The following DCC variants were observed in gnomAD, a reference collection of about 807,000 sequenced individuals.
DCC encodes DCC netrin 1 receptor.
In DCC, 58 loss-of-function variants were observed where a neutral mutation model predicts 172.5. The ratio of observed to expected loss-of-function variants is 0.34; its 90% CI spans 0.27 to 0.42. The LOEUF (loss-of-function observed/expected upper bound fraction) is 0.42. DCC is among the 10% of genes least tolerant of loss of function. DCC has a pLI of 1.00. For synonymous variants in DCC, 709 were observed against 644.5 expected (o/e 1.10, Z -1.52); for missense variants, 1,740 against 1,791.0 (o/e 0.97, Z 0.51).
At chr18:53,304,127 T>C (rs2057172295) in intron 12 of DCC, among the ~76,000 whole-genome samples, 1 of 152,142 alleles carries the variant, frequency 6.6e-6, no homozygotes, top group Non-Finnish European at 1.5e-5. Flanking sequence ...CTCATTTGCT[T>C]GTGGAGCCTG....
intron 1 of DCC, among the ~76,000 whole-genome samples, chr18:52,727,706 A>G (rs1377291373): frequency 6.6e-6 from 1 of 152,194 alleles, no homozygotes; most frequent in Non-Finnish European, 1.5e-5. Flanking sequence ...GTGACTTTTC[A>G]TGAAGTGTAA....
In DCC at chr18:53,159,076, G is replaced by A. The variant is rs150756954; in HGVS notation, c.1418+1564G>A. Among the ~76,000 whole-genome samples, 228 of 151,302 alleles carry A rather than the reference G, an allele frequency of 1.5e-3. 1 individual carries two copies. The highest frequency in any genetic ancestry group is 5.0e-3 in the African/African-American group (207 of 41,210). On this transcript the variant is annotated intron_variant, in intron 8 of 28. Coordinates refer to ENST00000442544, the MANE Select transcript of DCC (RefSeq NM_005215.4). ...TATTCATTACTGTGAAGAAACAGGC[G>A]TTCGTTTTAGTGTTATCTCTGTAAC...
At chr18:52,671,030 C>T (rs2035542575) in intron 1 of DCC, among the ~76,000 whole-genome samples, 1 of 152,072 alleles carries the variant, frequency 6.6e-6, no homozygotes, top group Non-Finnish European at 1.5e-5. Context: ...GTTTTTTCCC[C>T]TCATGTTGTC....
At chr18:52,598,843 C>T (rs569991920) in intron 1 of DCC, among the ~76,000 whole-genome samples, 4 of 152,218 alleles carry the variant, frequency 2.6e-5, no homozygotes, top group South Asian at 2.1e-4. Flanking sequence ...TCTGGGAGGG[C>T]TGTTCTCTGC....
intron 21 of DCC, among the ~76,000 whole-genome samples, chr18:53,417,836 A>G (rs9955552): frequency 0.068 from 10,406 of 152,184 alleles, 1,225 homozygotes; most frequent in African/African-American, 0.24. Context: ...TTTTTAAGGT[A>G]ACTGTTTTGC....
chr18:53,512,783 C>T (rs1005568340), intron 27 of DCC, among the ~76,000 whole-genome samples: 25 of 149,824 alleles, frequency 1.7e-4, no homozygotes, highest in Non-Finnish European at 2.9e-4. Context: ...AAGAAATTAG[C>T]AAAGCCTCCA....
At chr18:52,812,402 C>T (rs1286633188) in intron 2 of DCC, among the ~76,000 whole-genome samples, 2 of 152,120 alleles carry the variant, frequency 1.3e-5, no homozygotes, top group East Asian at 3.9e-4. Context: ...GGAGGGAAGA[C>T]AAGTATCTTC....
At chr18:52,973,294 T>G (rs62097898) in intron 5 of DCC, among the ~76,000 whole-genome samples, 1 of 152,148 alleles carries the variant, frequency 6.6e-6, no homozygotes, top group African/African-American at 2.4e-5. Context: ...TTTATACAAA[T>G]GATAAAGTTT....
intron 22 of DCC, among the ~76,000 whole-genome samples, chr18:53,446,108 AAAAAAAC>A (rs1368064042): frequency 6.2e-5 from 9 of 144,312 alleles, no homozygotes; most frequent in African/African-American, 1.5e-4. Flanking sequence ...CAAAAAAAAA[AAAAAAAC>A]AAAAAAAAAC....
At chr18:52,496,256 A>G (rs1048579618) in intron 1 of DCC, among the ~76,000 whole-genome samples, 6 of 152,182 alleles carry the variant, frequency 3.9e-5, no homozygotes, top group Non-Finnish European at 8.8e-5. Context: ...TAATATTCAT[A>G]TTCATATTTT....
intron 9 of DCC, among the ~76,000 whole-genome samples, chr18:53,186,211 A>G (rs985109057): frequency 6.6e-6 from 1 of 152,216 alleles, no homozygotes; most frequent in South Asian, 2.1e-4. Context: ...CTAACTTCTC[A>G]TAGATAGACA....
At chr18:53,374,030 G>A (rs1242562332) in intron 15 of DCC, among the ~76,000 whole-genome samples, 2 of 152,148 alleles carry the variant, frequency 1.3e-5, no homozygotes, top group Non-Finnish European at 2.9e-5. Flanking sequence ...TCTGCCCTTG[G>A]CATTGTCCAC....
chr18:52,397,162 T>C (rs529073001), intron 1 of DCC, among the ~76,000 whole-genome samples: 1 of 152,104 alleles, frequency 6.6e-6, no homozygotes, highest in East Asian at 1.9e-4. Flanking sequence ...TGTGCTTGCA[T>C]CAAAATTACG....
intron 5 of DCC, among the ~76,000 whole-genome samples, chr18:53,037,047 G>T (rs1423599573): frequency 6.6e-6 from 1 of 151,890 alleles, no homozygotes; most frequent in African/African-American, 2.4e-5. Context: ...TCAGTTTCAG[G>T]CAAGAGAGCT....
intron 7 of DCC, among the ~76,000 whole-genome samples, chr18:53,139,963 C>T (rs1023264586): frequency 3.6e-4 from 55 of 152,144 alleles, no homozygotes; most frequent in Non-Finnish European, 1.3e-4. Flanking sequence ...ATTTATCTTG[C>T]TTACTGAATC....
intron 1 of DCC, among the ~76,000 whole-genome samples, chr18:52,489,625 T>C (rs2144600977): frequency 6.6e-6 from 1 of 152,232 alleles, no homozygotes; most frequent in South Asian, 2.1e-4. Flanking sequence ...CTTTGCTTTG[T>C]TGCTATTTTA....
chr18:53,300,667 A>G (rs1275037750), intron 12 of DCC, among the ~76,000 whole-genome samples: 1 of 152,228 alleles, frequency 6.6e-6, no homozygotes, highest in Non-Finnish European at 1.5e-5. Flanking sequence ...ACCTAAACCT[A>G]TATTTCCCCT....
intron 5 of DCC, among the ~76,000 whole-genome samples, chr18:53,048,595 A>G (rs1434058030): frequency 6.6e-6 from 1 of 151,182 alleles, no homozygotes; most frequent in African/African-American, 2.4e-5. Flanking sequence ...ATACGTATAT[A>G]CATACATGTA....
intron 1 of DCC, among the ~76,000 whole-genome samples, chr18:52,489,070 T>C (rs1048185583): frequency 1.3e-5 from 2 of 152,100 alleles, no homozygotes; most frequent in Admixed American, 1.3e-4. Flanking sequence ...GTCAACCCTT[T>C]ATTAAAATGT....
Sources: allele counts gnomAD v4.1 joint callset (sites outside exome capture counted in the v4.1 genomes callset), GRCh38; gene constraint gnomAD v4.1.1; transcripts MANE v1.5; gene names NCBI Gene and HGNC (gene_info 2026-07-23, HGNC 2026-07-21).